TNFSF11: variants seen among roughly 807,000 people sequenced by gnomAD.
The protein encoded by TNFSF11 is TNF superfamily member 11.
In TNFSF11, 12 loss-of-function variants were observed where a neutral mutation model predicts 32.2. That is an observed-to-expected ratio of 0.37 (90% CI 0.24 to 0.60). The LOEUF (loss-of-function observed/expected upper bound fraction) is 0.60. TNFSF11 is among the 20% of genes least tolerant of loss of function. The pLI is 0.66. For synonymous variants in TNFSF11, 172 were observed against 152.1 expected, an observed-to-expected ratio of 1.13 and a Z score of -0.96; for missense variants, 345 against 398.0, an observed-to-expected ratio of 0.87 and a Z score of 1.13.
intron 4 of TNFSF11, among the ~76,000 whole-genome samples, chr13:42,604,598 G>A (rs986928305): frequency 3.3e-5 from 5 of 152,154 alleles, no homozygotes; most frequent in African/African-American, 7.2e-5. Context: ...AGAACTGCCT[G>A]TTTGGTTCCT....
rs1279844323 is a variant in TNFSF11 at position 42,574,156 on chromosome 13, G to A, written c.-148G>A. 1.8e-6 allele frequency: 2 copies of A among 1,084,272 alleles called. No homozygotes were observed. The highest frequency in any genetic ancestry group is 1.5e-5 in the South Asian group (1 of 68,954). 67.2% of individuals were successfully genotyped at this position (1,084,272 alleles called of 1,614,324 possible). A position where few individuals can be genotyped will look rare whatever the true frequency, so the allele number is the denominator to read the frequency against. The stretch of plus-strand genomic sequence containing the variant: ...GTTGGGGCTGCCGGGCGCCCTGCCC[G>A]CTCGCCCGCGCGCCCCAGGACCCAA... On this transcript the variant is annotated 5_prime_UTR_variant, in exon 1 of 5. Coordinates refer to ENST00000398795, the MANE Select transcript of TNFSF11 (RefSeq NM_003701.4).
chr13:42,574,517 G>A lies in TNFSF11; in HGVS notation c.214G>A (p.Ala72Thr), dbSNP rs142756983. The A allele has an allele frequency of 2.0e-3, 3,224 of 1,607,588 alleles. 5 individuals are homozygous for A. Among genetic ancestry groups the A allele is most frequent in the Non-Finnish European group, 2.5e-3 (2,907 of 1,179,752 alleles). Reference protein sequence around the residue: ...CSVALFFYFRAQMDPNRISED... With the variant: ...CSVALFFYFRTQMDPNRISED... The stretch of plus-strand genomic sequence containing the variant: ...CGTCGCCCTGTTCTTCTATTTCAGA[G>A]CGCAGGTGAGTGGCCACCTTCCCAG... Residue 72 changes from alanine to threonine, a missense_variant, in exon 1 of 5, where the codon GCG (alanine) becomes ACG (threonine). Ala to Thr is a moderately conservative substitution (Grantham distance 58). This residue lies in a region of TNFSF11 where 197 missense variants were observed against 182.0 expected (regional missense o/e 1.08). Coordinates refer to ENST00000398795, the MANE Select transcript of TNFSF11 (RefSeq NM_003701.4).
intron 2 of TNFSF11, among the ~76,000 whole-genome samples, chr13:42,595,774 A>T (rs1003955807): frequency 2.0e-5 from 3 of 152,252 alleles, no homozygotes; most frequent in African/African-American, 7.2e-5. Context: ...GATCTCTTTC[A>T]TGTGAATAAT....
At chr13:42,564,636 G>C (rs1476417075) in intron 1 of TNFSF11, among the ~76,000 whole-genome samples, 1 of 151,936 alleles carries the variant, frequency 6.6e-6, no homozygotes, top group Non-Finnish European at 1.5e-5. Context: ...TTTTTAATTG[G>C]ATATTTTTTC....
At chr13:42,572,175 T>C (rs975758082), upstream of TNFSF11, among the ~76,000 whole-genome samples, 1 of 152,166 alleles carries the variant, frequency 6.6e-6, no homozygotes, top group African/African-American at 2.4e-5. Context: ...AGAAATGTCA[T>C]ATGAAGAACT....
chr13:42,605,550 T>C (rs1869409157), intron 4 of TNFSF11, among the ~76,000 whole-genome samples: 3 of 152,158 alleles, frequency 2.0e-5, no homozygotes, highest in African/African-American at 7.2e-5. Flanking sequence ...ACCTGAAATA[T>C]GAAAAGGATT....
chr13:42,582,884 T>C (rs1873685274), intron 2 of TNFSF11, among the ~76,000 whole-genome samples: 1 of 152,228 alleles, frequency 6.6e-6, no homozygotes, highest in Admixed American at 6.5e-5. Flanking sequence ...CCTATTCACA[T>C]GCACTAGGGG....
intron 4 of TNFSF11, among the ~76,000 whole-genome samples, chr13:42,605,541 C>T (rs1406135713): frequency 3.3e-5 from 5 of 152,062 alleles, no homozygotes; most frequent in African/African-American, 1.2e-4. Flanking sequence ...CACCAAAGGA[C>T]CTGAAATATG....
upstream of TNFSF11, among the ~76,000 whole-genome samples, chr13:42,573,331 GC>G (rs1419534495): frequency 1.3e-5 from 2 of 152,130 alleles, no homozygotes; most frequent in Non-Finnish European, 2.9e-5. Flanking sequence ...GAATTTGTGA[GC>G]AATGTTAATA....
intron 2 of TNFSF11, among the ~76,000 whole-genome samples, chr13:42,598,974 G>A (rs1251044602): frequency 2.0e-5 from 3 of 152,176 alleles, no homozygotes; most frequent in Non-Finnish European, 4.4e-5. Flanking sequence ...CGAGGCCTGG[G>A]AAGGGCCACT....
At chr13:42,597,340 C>CTTTTT (rs774612741) in intron 2 of TNFSF11, among the ~76,000 whole-genome samples, 7 of 125,732 alleles carry the variant, frequency 5.6e-5, no homozygotes, top group African/African-American at 8.8e-5. Flanking sequence ...GCCTTTTGTT[C>CTTTTT]TTTTTTTTTT....
chr13:42,606,159 G>A (rs753932955), intron 4 of TNFSF11, among the ~76,000 whole-genome samples: 55 of 152,208 alleles, frequency 3.6e-4, no homozygotes, highest in African/African-American at 7.9e-4. Flanking sequence ...TTGTCTCTCC[G>A]TCCTTTGAGC....
intron 2 of TNFSF11, among the ~76,000 whole-genome samples, chr13:42,592,898 G>A (rs1215160571): frequency 6.6e-6 from 1 of 152,172 alleles, no homozygotes; most frequent in Non-Finnish European, 1.5e-5. Flanking sequence ...GAAGGTGCCT[G>A]CTTCTCCTTT....
chr13:42,570,522 G>A (rs1873024705), upstream of TNFSF11, among the ~76,000 whole-genome samples: 1 of 152,222 alleles, frequency 6.6e-6, no homozygotes, highest in Non-Finnish European at 1.5e-5. Context: ...CTTCAAATAT[G>A]TTCTGGTGTC....
intron 2 of TNFSF11, among the ~76,000 whole-genome samples, chr13:42,589,057 T>A (rs1240330809): frequency 6.6e-6 from 1 of 152,150 alleles, no homozygotes; most frequent in East Asian, 1.9e-4. Flanking sequence ...GTGGTGGTGG[T>A]ACCAGTAAAA....
At chr13:42,590,771 A>G (rs1462882037) in intron 2 of TNFSF11, among the ~76,000 whole-genome samples, 3 of 152,260 alleles carry the variant, frequency 2.0e-5, no homozygotes, top group South Asian at 4.1e-4. Context: ...AGACTACTTT[A>G]TGAAAACCCA....
rs151125543 is a variant in TNFSF11 at position 42,589,443 on chromosome 13, C to A, written c.387+8150C>A. ...CATCCTTCCCATAGCTGAGGGACTT[C>A]GAAAATGCACATCTGAACAGGTCAT... On this transcript the variant is annotated intron_variant, in intron 2 of 4. Coordinates refer to ENST00000398795, the MANE Select transcript of TNFSF11 (RefSeq NM_003701.4). Among the ~76,000 whole-genome samples, 455 of 152,238 alleles carry A rather than the reference C, an allele frequency of 3.0e-3. 5 individuals are homozygous for A. The highest frequency in any genetic ancestry group is 0.01 in the African/African-American group (417 of 41,540).
chr13:42,600,253 TA>T (rs1261386518), intron 2 of TNFSF11, among the ~76,000 whole-genome samples: 1 of 152,230 alleles, frequency 6.6e-6, no homozygotes, highest in Non-Finnish European at 1.5e-5. Context: ...AAGTACACTG[TA>T]ACTTTAAAGT....
At chr13:42,571,955 T>C (rs1202037399), upstream of TNFSF11, among the ~76,000 whole-genome samples, 2 of 152,228 alleles carry the variant, frequency 1.3e-5, no homozygotes, top group African/African-American at 4.8e-5. Flanking sequence ...AAATGGTGAA[T>C]GTTACAGAGG....
Sources: allele counts gnomAD v4.1 joint callset (sites outside exome capture counted in the v4.1 genomes callset), GRCh38; gene constraint gnomAD v4.1.1; regional missense constraint gnomAD v4.1.1; transcripts MANE v1.5; gene names NCBI Gene and HGNC (gene_info 2026-07-23, HGNC 2026-07-21).